ANK3: variants seen among roughly 807,000 people sequenced by gnomAD.
The protein encoded by ANK3 is ankyrin 3.
ANK3 carries 57 observed loss-of-function variants against 370.9 expected under a neutral mutation model. The ratio of observed to expected loss-of-function variants is 0.15; its 90% confidence interval spans 0.12 to 0.19. The LOEUF is 0.19. Ranked by LOEUF, ANK3 falls within the 10% of genes least tolerant of loss-of-function variation. The pLI is 1.00. For missense variants in ANK3, 4,439 were observed against 5,302.1 expected (o/e 0.84, Z 5.06); for synonymous variants, 1,929 against 1,946.3 (o/e 0.99, Z 0.23).
At chr10:60,207,317 A>G (rs1301966138) in intron 10 of ANK3, among the ~76,000 whole-genome samples, 1 of 152,190 alleles carries the variant, frequency 6.6e-6, no homozygotes, top group East Asian at 1.9e-4. Flanking sequence ...TAAAAGGGTC[A>G]ATTGGATGAT....
At chr10:60,591,303 T>TTTA (rs1555394931) in intron 2 of ANK3, among the ~76,000 whole-genome samples, 5 of 137,588 alleles carry the variant, frequency 3.6e-5, no homozygotes, top group South Asian at 2.3e-4. Flanking sequence ...TTTATTTTTA[T>TTTA]TTTATTTATT....
intron 1 of ANK3, among the ~76,000 whole-genome samples, chr10:60,685,874 C>T (rs1038272563): frequency 4.6e-5 from 7 of 151,982 alleles, no homozygotes; most frequent in African/African-American, 1.5e-4. Flanking sequence ...GCTCCAAACA[C>T]AAAAGAATGG....
At chr10:60,159,924 C>G (rs892145760) in intron 23 of ANK3, among the ~76,000 whole-genome samples, 1 of 151,856 alleles carries the variant, frequency 6.6e-6, no homozygotes, top group Non-Finnish European at 1.5e-5. Flanking sequence ...AAAAGTAGTA[C>G]TAAAAGAGCA....
At chr10:60,240,281 C>CACATATATATAT (rs1555185825) in intron 7 of ANK3, among the ~76,000 whole-genome samples, 1 of 88,350 alleles carries the variant, frequency 1.1e-5, no homozygotes, top group African/African-American at 5.4e-5. Flanking sequence ...TACACACACA[C>CACATATATATAT]ATATATATAT....
chr10:60,121,378 CAAAAAA>C (rs201473806), intron 25 of ANK3, among the ~76,000 whole-genome samples: 4 of 135,488 alleles, frequency 3.0e-5, no homozygotes, highest in Admixed American at 7.3e-5. Context: ...TAAAATGCAC[CAAAAAA>C]AAAAAAAAAA....
chr10:60,131,270 G>A (rs751227033), intron 25 of ANK3, among the ~76,000 whole-genome samples: 8 of 152,110 alleles, frequency 5.3e-5, no homozygotes, highest in South Asian at 4.2e-4. Flanking sequence ...CTCATTTCCC[G>A]CTCTGAAATC....
At chr10:60,666,583 A>G (rs762991440) in intron 1 of ANK3, among the ~76,000 whole-genome samples, 19 of 152,324 alleles carry the variant, frequency 1.2e-4, no homozygotes, top group Non-Finnish European at 2.5e-4. Flanking sequence ...TTTTACTTGT[A>G]TTTGACCACA....
intron 25 of ANK3, among the ~76,000 whole-genome samples, chr10:60,115,147 A>T (rs1239696256): frequency 1.3e-5 from 2 of 152,212 alleles, no homozygotes; most frequent in East Asian, 3.8e-4. Flanking sequence ...TAATGAGAAA[A>T]TGACTTAAAA....
chr10:60,093,754 C>T (rs1478829215), intron 28 of ANK3, among the ~76,000 whole-genome samples: 1 of 152,152 alleles, frequency 6.6e-6, no homozygotes, highest in Non-Finnish European at 1.5e-5. Flanking sequence ...ATAAAGTGAA[C>T]ATGTACATTT....
At chr10:60,680,032 G>A (rs1259504475) in intron 1 of ANK3, among the ~76,000 whole-genome samples, 1 of 151,458 alleles carries the variant, frequency 6.6e-6, no homozygotes, top group Non-Finnish European at 1.5e-5. Flanking sequence ...CTACTCAGGA[G>A]GTGGAGGCAC....
rs1336718164 is a variant in ANK3 at position 60,075,907 on chromosome 10, C to A, written c.4974G>T (p.Leu1658Phe). ...CTGATGTAATAATTGACTTAAATGG[C>A]AAACTTGAGGAATACATATTAATGT... is the stretch of plus-strand genomic sequence containing the variant. ...KSNINMYSSS[L>F]PFKSIITSAA... is the part of the protein sequence containing the mutation. Residue 1658 changes from leucine to phenylalanine, a missense_variant, in exon 37 of 44, where the codon TTG becomes TTT. Around this residue, in one of 13 missense-constraint regions of ANK3, gnomAD observed 679 missense variants for 791.0 expected, o/e 0.86. Coordinates refer to ENST00000280772, the MANE Select transcript of ANK3 (RefSeq NM_020987.5). The A allele has an allele frequency of 6.2e-7, 1 of 1,613,922 alleles. No individual in the cohort carries two copies. The highest frequency in any genetic ancestry group is 8.5e-7 in the Non-Finnish European group (1 of 1,180,004).
At chr10:60,063,658 T>C (rs1242251952) in intron 39 of ANK3, among the ~76,000 whole-genome samples, 2 of 152,240 alleles carry the variant, frequency 1.3e-5, no homozygotes, top group African/African-American at 2.4e-5. Context: ...TTCCACATTG[T>C]TGTGGGTTGG....
At chr10:60,176,376 A>AG (rs1454219641) in intron 18 of ANK3, among the ~76,000 whole-genome samples, 3 of 150,324 alleles carry the variant, frequency 2.0e-5, no homozygotes, top group Non-Finnish European at 4.4e-5. Context: ...CCCAAAAAAA[A>AG]AAAAAAAAGA....
At chr10:60,327,718 C>G (rs1000056371) in intron 1 of ANK3, among the ~76,000 whole-genome samples, 3 of 152,086 alleles carry the variant, frequency 2.0e-5, no homozygotes, top group Non-Finnish European at 4.4e-5. Flanking sequence ...AGGATAAAAC[C>G]TAAAAGATGC....
intron 8 of ANK3, among the ~76,000 whole-genome samples, chr10:60,228,064 C>T (rs923204693): frequency 6.6e-6 from 1 of 152,152 alleles, no homozygotes; most frequent in African/African-American, 2.4e-5. Flanking sequence ...GCTATTCCAT[C>T]ATAACTTAAT....
At chr10:60,474,383 T>C (rs2075002913) in intron 2 of ANK3, among the ~76,000 whole-genome samples, 1 of 150,176 alleles carries the variant, frequency 6.7e-6, no homozygotes, top group African/African-American at 2.5e-5. Context: ...ACCAACATTC[T>C]TTAGATCACT....
At position 60,200,200 on chromosome 10, in the gene ANK3, C is replaced by T; in HGVS notation, c.1420G>A (p.Ala474Thr). 6.2e-7 allele frequency: 1 copy of T among 1,614,130 alleles called. No individual in the cohort carries two copies. The highest frequency in any genetic ancestry group is 2.2e-5 in the East Asian group (1 of 44,868). ...VRGETALHMA[A>T]RSGQAEVVRY... The stretch of plus-strand genomic sequence containing the variant: ...ACAACTTCAGCTTGGCCGGAGCGAG[C>T]TGCCATGTGCAGTGCTGTTTCTCCT... The change falls in exon 13 of 44, where the codon GCT becomes ACT. Residue 474 changes from alanine to threonine, a missense_variant. Physicochemically the swap from Ala to Thr is moderately conservative, Grantham distance 58. Around this residue, in one of 13 missense-constraint regions of ANK3, gnomAD observed 227 missense variants for 377.6 expected, o/e 0.60. Coordinates refer to ENST00000280772, the MANE Select transcript of ANK3 (RefSeq NM_020987.5).
chr10:60,220,738 A>G (rs1371763083), intron 8 of ANK3, among the ~76,000 whole-genome samples: 1 of 152,110 alleles, frequency 6.6e-6, no homozygotes, highest in Non-Finnish European at 1.5e-5. Context: ...CCTAAAATGT[A>G]TACAACCAAG....
At chr10:60,516,450 A>C (rs891801879) in intron 2 of ANK3, among the ~76,000 whole-genome samples, 1 of 152,140 alleles carries the variant, frequency 6.6e-6, no homozygotes, top group African/African-American at 2.4e-5. Context: ...CAAGATTGGC[A>C]TCAGTAGAGC....
Sources: gnomAD v4.1 joint callset for allele counts (sites outside exome capture counted in the v4.1 genomes callset) on GRCh38, gnomAD v4.1.1 for gene constraint, gnomAD v4.1.1 regional missense constraint, MANE v1.5 for transcripts, NCBI Gene and HGNC (gene_info 2026-07-23, HGNC 2026-07-21) for gene names.